FGGY: variants seen among roughly 807,000 people sequenced by gnomAD.
FGGY encodes the protein FGGY carbohydrate kinase domain-containing protein.
FGGY carries 72 observed loss-of-function variants against 71.3 expected under a neutral mutation model. The ratio of observed to expected loss-of-function variants is 1.01; its 90% CI spans 0.84 to 1.23. FGGY has a LOEUF of 1.23. FGGY is among the 50% of genes most tolerant of loss of function. FGGY has a pLI of 0.00. For synonymous variants in FGGY, 251 were observed against 250.3 expected (o/e 1.00, Z -0.02); for missense variants, 668 against 682.3 (o/e 0.98, Z 0.23).
intron 2 of FGGY, among the ~76,000 whole-genome samples, chr1:59,330,063 G>T (rs548831519): frequency 3.9e-5 from 6 of 152,164 alleles, no homozygotes; most frequent in African/African-American, 1.4e-4. Context: ...TGCCTTGTAC[G>T]TCTCTTTCAT....
rs139613010 is a variant in FGGY at position 59,418,142 on chromosome 1, TAACTCCTAA to T, written c.555-38817_555-38809del. 3.7e-3 allele frequency among the ~76,000 whole-genome samples: 560 copies of T among 152,240 alleles called. 11 individuals carry two copies. In the East Asian group the frequency reaches 0.053, roughly 14 times the overall value. ...AAGGAGGTTATGCAGACTCAGTGTATAACTCCTAAAGATGCATCAGAGTTTACCAAGGGA... is the reference window on the plus strand; with the variant it reads ...AAGGAGGTTATGCAGACTCAGTGTATAGATGCATCAGAGTTTACCAAGGGA... On this transcript the variant is annotated intron_variant, in intron 5 of 15. Transcript: ENST00000303721.
At chr1:59,367,618 A>G (rs543469192) in intron 4 of FGGY, among the ~76,000 whole-genome samples, 12 of 152,344 alleles carry the variant, frequency 7.9e-5, no homozygotes, top group African/African-American at 2.6e-4. Flanking sequence ...GGTCATGCCT[A>G]TCTTCTCATG....
At chr1:59,760,842 G>A (rs1360080814) in intron 15 of FGGY, among the ~76,000 whole-genome samples, 1 of 152,150 alleles carries the variant, frequency 6.6e-6, no homozygotes, top group African/African-American at 2.4e-5. Context: ...AGATTCTAAA[G>A]TCAAGAAATC....
At chr1:59,307,313 C>CAAAAAA (rs398049311) in intron 1 of FGGY, among the ~76,000 whole-genome samples, 4 of 67,378 alleles carry the variant, frequency 5.9e-5, no homozygotes, top group Non-Finnish European at 1.2e-4. Context: ...GACCCTGTCT[C>CAAAAAA]AAAAAAAAAA....
At chr1:59,317,438 A>G (rs1307185326) in intron 1 of FGGY, among the ~76,000 whole-genome samples, 3 of 152,240 alleles carry the variant, frequency 2.0e-5, no homozygotes, top group African/African-American at 4.8e-5. Flanking sequence ...AATAAGTGAC[A>G]CGATGATGAT....
chr1:59,646,155 C>A (rs2097092097), intron 11 of FGGY, among the ~76,000 whole-genome samples: 1 of 152,168 alleles, frequency 6.6e-6, no homozygotes, highest in Admixed American at 6.5e-5. Flanking sequence ...AGAGGTTGCA[C>A]CCCTGTGGCT....
At chr1:59,692,957 C>T (rs929369486) in intron 14 of FGGY, among the ~76,000 whole-genome samples, 10 of 152,124 alleles carry the variant, frequency 6.6e-5, no homozygotes, top group Admixed American at 1.3e-4. Flanking sequence ...CACATCTGCC[C>T]GTGCTGAGCT....
intron 14 of FGGY, 103 bp from the exon 15 acceptor site, chr1:59,757,828 C>A: frequency 2.7e-6 from 2 of 745,180 alleles, no homozygotes; most frequent in South Asian, 1.8e-5. Flanking sequence ...AACCAAATAT[C>A]TTAAAGGGAA....
intron 14 of FGGY, among the ~76,000 whole-genome samples, chr1:59,721,642 CAG>C (rs2097897451): frequency 6.6e-6 from 1 of 151,818 alleles, no homozygotes; most frequent in South Asian, 2.1e-4. Context: ...CCAGCAGATA[CAG>C]AGAGTTTTTC....
At chr1:59,493,349 A>G (rs533858322) in intron 6 of FGGY, among the ~76,000 whole-genome samples, 1 of 152,336 alleles carries the variant, frequency 6.6e-6, no homozygotes, top group South Asian at 2.1e-4. Flanking sequence ...CCACGTTAAT[A>G]AAAGCATCAT....
intron 4 of FGGY, among the ~76,000 whole-genome samples, chr1:59,374,942 C>A (rs1299500842): frequency 6.7e-6 from 1 of 149,358 alleles, no homozygotes; most frequent in Non-Finnish European, 1.5e-5. Context: ...GGAGGGATAG[C>A]ATTGTGAGAT....
chr1:59,635,873 G>T (rs2096953659), intron 10 of FGGY, among the ~76,000 whole-genome samples: 1 of 152,154 alleles, frequency 6.6e-6, no homozygotes. Context: ...TCTGACCTAA[G>T]ATACAGAAAG....
At chr1:59,513,868 G>C (rs2094575303) in intron 7 of FGGY, among the ~76,000 whole-genome samples, 1 of 152,184 alleles carries the variant, frequency 6.6e-6, no homozygotes, top group Admixed American at 6.5e-5. Flanking sequence ...ATACTACATG[G>C]ATTTCCAGAG....
intron 8 of FGGY, among the ~76,000 whole-genome samples, chr1:59,590,333 A>G (rs1282785097): frequency 6.6e-6 from 1 of 152,216 alleles, no homozygotes; most frequent in Non-Finnish European, 1.5e-5. Flanking sequence ...GACCAGATGG[A>G]TTTACAGCTG....
chr1:59,660,151 G>C (rs1352258789), intron 11 of FGGY, 68 bp from the exon 12 acceptor site: 2 of 1,374,932 alleles, frequency 1.5e-6, no homozygotes, highest in Admixed American at 3.4e-5. Context: ...CGTATTTCAT[G>C]GGAACTATCT....
At chr1:59,433,805 C>T (rs911671622) in intron 5 of FGGY, among the ~76,000 whole-genome samples, 4 of 152,154 alleles carry the variant, frequency 2.6e-5, no homozygotes, top group East Asian at 1.9e-4. Flanking sequence ...ACGTTACCCA[C>T]GTGCTGGTTA....
In FGGY at chr1:59,459,825, C is replaced by T. The variant is rs1333231833; in HGVS notation, c.670+2749C>T. On this transcript the variant is annotated intron_variant, in intron 6 of 15. Coordinates refer to ENST00000303721, the MANE Select transcript of FGGY (RefSeq NM_018291.5). ...TTCCTGGGAAAATCTCTTTGTTCTA[C>T]TATTGGGGTAGCCCACTTTATGAAA... Among the ~76,000 whole-genome samples, 8 of 152,310 alleles carry T rather than the reference C, an allele frequency of 5.3e-5. 2 individuals carry two copies. The highest frequency in any genetic ancestry group is 3.9e-4 in the Admixed American group (6 of 15,302).
At position 59,762,450 on chromosome 1, in the gene FGGY, C is replaced by T. The variant is rs2273049; in HGVS notation, c.1575-53C>T. On this transcript the variant is annotated intron_variant, in intron 15 of 15. Coordinates refer to ENST00000303721, the MANE Select transcript of FGGY (RefSeq NM_018291.5). ...CATTCTTCTAAATGTACAGGGAAGC[C>T]CTGTGGCAGTTTTGTCTTGAGATCA... 13,349 of 1,374,588 alleles carry T rather than the reference C, an allele frequency of 9.7e-3. 854 individuals are homozygous for T. The East Asian group carries it at 0.14, about 14-fold the overall frequency. The allele number at this position is 1,374,588 out of a possible 1,614,324, so 85.1% of individuals were successfully genotyped here.
chr1:59,621,454 C>T (rs2096805684), intron 9 of FGGY, among the ~76,000 whole-genome samples: 1 of 102,250 alleles, frequency 9.8e-6, no homozygotes, highest in Non-Finnish European at 1.9e-5. Context: ...TCTTAGCCTC[C>T]GTCTCAAAAA....
Sources: gnomAD v4.1 joint callset for allele counts (sites outside exome capture counted in the v4.1 genomes callset) on GRCh38, gnomAD v4.1.1 for gene constraint, MANE v1.5 for transcripts, NCBI Gene and HGNC (gene_info 2026-07-23, HGNC 2026-07-21) for gene names.